The following ARHGAP22 variants were observed in gnomAD, a reference collection of about 807,000 sequenced individuals.
ARHGAP22 encodes the protein Rho GTPase activating protein 22, also known as rho GTPase-activating protein 22.
Under a neutral mutation model 59.1 loss-of-function variants are expected in ARHGAP22, and 48 were observed. The ratio of observed to expected loss-of-function variants is 0.81; its 90% CI spans 0.64 to 1.03. ARHGAP22 has a LOEUF of 1.03. Ranked by LOEUF, ARHGAP22 falls within the 50% of genes least tolerant of loss-of-function variation. The probability of loss-of-function intolerance (pLI) is 0.00; values close to 1 mark genes in which losing one functional copy is unlikely to be tolerated. For synonymous variants in ARHGAP22, 445 were observed against 416.4 expected (o/e 1.07, Z -0.84); for missense variants, 1,015 against 958.7 (o/e 1.06, Z -0.78).
chr10:48,444,183 A>ATAAT (rs1002742704), downstream of ARHGAP22: 2 of 152,218 alleles, frequency 1.3e-5, no homozygotes, highest in Non-Finnish European at 2.9e-5. Flanking sequence ...TTTCATGTTC[A>ATAAT]TAATTCATGT....
intron 1 of ARHGAP22, among the ~76,000 whole-genome samples, chr10:48,595,067 C>G (rs1475945994): frequency 6.6e-6 from 1 of 152,192 alleles, no homozygotes; most frequent in Non-Finnish European, 1.5e-5. Flanking sequence ...CTGCTGGGCT[C>G]TCAGCTCTGG....
the ARHGAP22 span, chr10:48,437,799 A>G: frequency 6.6e-6 from 1 of 152,278 alleles, no homozygotes; most frequent in Non-Finnish European, 1.5e-5. Context: ...CTCTTAAATC[A>G]GAAGCCTACA....
At chr10:48,609,161 C>T (rs547771740), upstream of ARHGAP22, among the ~76,000 whole-genome samples, 60 of 152,314 alleles carry the variant, frequency 3.9e-4, no homozygotes, top group Admixed American at 5.9e-4. Context: ...ACACCTCTGG[C>T]CCATTTCCAC....
At chr10:48,556,562 T>G (rs1410572859) in intron 2 of ARHGAP22, 1 of 152,232 alleles carries the variant, frequency 6.6e-6, no homozygotes, top group East Asian at 1.9e-4. Flanking sequence ...TGCAACCAAC[T>G]ACCTGGGTTC....
At position 48,450,470 on chromosome 10, in the gene ARHGAP22, C is replaced by T. The variant is rs1306112551; in HGVS notation, c.1659G>A (p.Pro553=). Residue 553 remains proline (P), a synonymous_variant, in exon 9 of 10, where the codon CCG becomes CCA. Transcript: ENST00000249601. ...LHTDWALEPS[P]LPSSSEDPKS... ...TGGGGTCCTCGCTGCTGCTGGGGAGCGGGGAGGGCTCCAGGGCCCAGTCGG... is the reference window on the plus strand; with the variant it reads ...TGGGGTCCTCGCTGCTGCTGGGGAGTGGGGAGGGCTCCAGGGCCCAGTCGG... 7 of 1,541,294 alleles carry T rather than the reference C, an allele frequency of 4.5e-6. No individual in the cohort carries two copies. The highest frequency in any genetic ancestry group is 2.4e-5 in the East Asian group (1 of 41,434).
chr10:48,562,643 G>A (rs2057763871), intron 2 of ARHGAP22, among the ~76,000 whole-genome samples: 1 of 152,184 alleles, frequency 6.6e-6, no homozygotes, highest in South Asian at 2.1e-4. Context: ...AAGGGAGTGG[G>A]AGGAGGGATT....
intron 1 of ARHGAP22, among the ~76,000 whole-genome samples, chr10:48,627,553 G>C (rs1299161637): frequency 6.6e-6 from 1 of 152,242 alleles, no homozygotes; most frequent in Admixed American, 6.5e-5. Flanking sequence ...TTCCCATCTG[G>C]GCTAGCAGCC....
At chr10:48,635,363 G>T (rs1210901957) in intron 1 of ARHGAP22, among the ~76,000 whole-genome samples, 1 of 152,204 alleles carries the variant, frequency 6.6e-6, no homozygotes, top group African/African-American at 2.4e-5. Context: ...ACAGCTTTGG[G>T]TGCTCCGTAA....
At chr10:48,577,038 ACT>A (rs1359086027) in intron 2 of ARHGAP22, among the ~76,000 whole-genome samples, 1 of 150,854 alleles carries the variant, frequency 6.6e-6, no homozygotes, top group Non-Finnish European at 1.5e-5. Flanking sequence ...TTCTCTAAAG[ACT>A]CTTTTTCCTT....
At chr10:48,655,261 G>T (rs919359208), upstream of ARHGAP22, among the ~76,000 whole-genome samples, 6 of 141,944 alleles carry the variant, frequency 4.2e-5, no homozygotes, top group African/African-American at 8.1e-5. Context: ...GTGTGTGGGG[G>T]GGGGGGGGGG....
chr10:48,561,222 T>C (rs1285043649), intron 2 of ARHGAP22, among the ~76,000 whole-genome samples: 8 of 152,226 alleles, frequency 5.3e-5, no homozygotes, highest in Admixed American at 1.3e-4. Flanking sequence ...TATGGATAAT[T>C]GATTTTGACA....
rs914094446 is a variant in ARHGAP22, at chr10:48,595,514, G to A, written c.34+9249C>T. ...TTTAAAAACTTGTTTATATATATGT[G>A]TATAGTTTTATTTGTTTATTTTTTT... On this transcript the variant is annotated intron_variant, in intron 1 of 9. Coordinates refer to ENST00000249601, the MANE Select transcript of ARHGAP22 (RefSeq NM_021226.4). Among the ~76,000 whole-genome samples the A allele has an allele frequency of 4.6e-5, 7 of 152,202 alleles. No individual in the cohort carries two copies. In the South Asian group the frequency reaches 8.3e-4, roughly 18 times the overall value.
upstream of ARHGAP22, among the ~76,000 whole-genome samples, chr10:48,652,894 C>G (rs980687250): frequency 6.6e-6 from 1 of 152,224 alleles, no homozygotes; most frequent in African/African-American, 2.4e-5. Flanking sequence ...GGCACACAGG[C>G]TGCTCATGGC....
chr10:48,454,035 G>A (rs1487866987), intron 7 of ARHGAP22, 53 bp downstream of exon 7: 2 of 1,556,214 alleles, frequency 1.3e-6, no homozygotes, highest in South Asian at 1.1e-5. Flanking sequence ...TGGGGTTGGG[G>A]GAGCGTGGAG....
At position 48,458,865 on chromosome 10, in the gene ARHGAP22, G is replaced by A. The variant is rs1030529113; in HGVS notation, c.659+819C>T. Among the ~76,000 whole-genome samples, 6 of 152,164 alleles carry A rather than the reference G, an allele frequency of 3.9e-5. No individual in the cohort carries two copies. In the East Asian group the frequency reaches 7.7e-4, roughly 20 times the overall value. On this transcript the variant is annotated intron_variant, in intron 5 of 9. Transcript: ENST00000249601. ...GTCCTGGACTCCACATCTAAGGAGA[G>A]GAGCTGACACCCTCCCCTGGCTGCA...
At chr10:48,492,453 A>C (rs536609025) in intron 3 of ARHGAP22, among the ~76,000 whole-genome samples, 4 of 152,374 alleles carry the variant, frequency 2.6e-5, no homozygotes, top group African/African-American at 7.2e-5. Context: ...CAACAGAGAT[A>C]TAATGTGAGC....
At chr10:48,450,144 G>A (rs930950324) in intron 9 of ARHGAP22, 117 bp downstream of exon 9, 71 of 1,399,726 alleles carry the variant, frequency 5.1e-5, no homozygotes, top group Non-Finnish European at 6.4e-5. Flanking sequence ...CCCTCTCTGA[G>A]GCTGGCTTCC....
chr10:48,499,435 A>G (rs2051284407), intron 3 of ARHGAP22, among the ~76,000 whole-genome samples: 1 of 152,254 alleles, frequency 6.6e-6, no homozygotes, highest in Non-Finnish European at 1.5e-5. Flanking sequence ...ATCCATTTTG[A>G]TAAATATTCT....
At chr10:48,463,272 G>A (rs2047329875) in intron 4 of ARHGAP22, among the ~76,000 whole-genome samples, 1 of 152,176 alleles carries the variant, frequency 6.6e-6, no homozygotes, top group Admixed American at 6.5e-5. Flanking sequence ...GTCTTGACAG[G>A]TATTCGTTCA....
Sources: allele counts gnomAD v4.1 joint callset (sites outside exome capture counted in the v4.1 genomes callset), GRCh38; gene constraint gnomAD v4.1.1; transcripts MANE v1.5; gene names NCBI Gene and HGNC (gene_info 2026-07-23, HGNC 2026-07-21).